The following RELN variants were observed in gnomAD, a reference collection of about 807,000 sequenced individuals.
RELN encodes the protein reelin.
Under a neutral mutation model 427.6 loss-of-function variants are expected in RELN, and 108 were observed. That is an observed-to-expected ratio of 0.25 (90% CI 0.22 to 0.30). RELN has a LOEUF of 0.30. RELN is among the 10% of genes least tolerant of loss of function. The probability of loss-of-function intolerance (pLI) is 1.00; values close to 1 mark genes in which losing one functional copy is unlikely to be tolerated. For synonymous variants in RELN, 1,524 were observed against 1,513.4 expected, an observed-to-expected ratio of 1.01 and a Z score of -0.16; for missense variants, 3,715 against 4,302.8, an observed-to-expected ratio of 0.86 and a Z score of 3.82.
chr7:103,485,804 T>C (rs1456711468), intron 61 of RELN, among the ~76,000 whole-genome samples: 2 of 152,230 alleles, frequency 1.3e-5, no homozygotes, highest in Non-Finnish European at 2.9e-5. Context: ...TTACATAAGC[T>C]AAATATAGGC....
chr7:103,857,145 T>C (rs1045952836), intron 2 of RELN, among the ~76,000 whole-genome samples: 10 of 152,168 alleles, frequency 6.6e-5, no homozygotes, highest in African/African-American at 2.4e-4. Context: ...TCTGCTCATA[T>C]GCCAAGCAGA....
chr7:103,608,900 T>C (rs1831880126), intron 22 of RELN, among the ~76,000 whole-genome samples: 1 of 152,094 alleles, frequency 6.6e-6, no homozygotes, highest in Non-Finnish European at 1.5e-5. Flanking sequence ...TAGTTCATAA[T>C]GTTTCTAGGG....
chr7:103,680,018 T>C (rs1169798056), intron 11 of RELN, among the ~76,000 whole-genome samples: 1 of 152,152 alleles, frequency 6.6e-6, no homozygotes, highest in East Asian at 1.9e-4. Context: ...ATAGACAGGC[T>C]TTGCTAATAG....
intron 5 of RELN, among the ~76,000 whole-genome samples, chr7:103,749,830 T>C (rs556946598): frequency 3.0e-4 from 46 of 152,302 alleles, no homozygotes; most frequent in African/African-American, 1.1e-3. Context: ...CTTCAGTATG[T>C]CTTGGCTGTG....
In RELN at chr7:103,733,540, C is replaced by T. The variant is rs1029428703; in HGVS notation, c.657-5333G>A. On this transcript the variant is annotated intron_variant, in intron 6 of 64. Transcript: ENST00000428762. ...CAATAGCAAAGACTTGGAACCAACA[C>T]AAATGTCCAACAATGACAGACTGGA... Among the ~76,000 whole-genome samples the T allele has an allele frequency of 4.7e-4, 69 of 147,506 alleles. 2 individuals carry two copies. The highest frequency in any genetic ancestry group is 1.7e-3 in the African/African-American group (69 of 39,556).
intron 20 of RELN, among the ~76,000 whole-genome samples, chr7:103,616,183 T>C (rs995170442): frequency 6.6e-6 from 1 of 152,120 alleles, no homozygotes; most frequent in East Asian, 1.9e-4. Context: ...CTAAGCAACA[T>C]TCTATTATTT....
chr7:103,568,263 CTAAT>C (rs1474525967), intron 31 of RELN, among the ~76,000 whole-genome samples: 1 of 152,096 alleles, frequency 6.6e-6, no homozygotes, highest in East Asian at 1.9e-4. Flanking sequence ...CTGCTTACGG[CTAAT>C]TAATTGCCAT....
At chr7:103,782,287 A>C (rs528604796) in intron 3 of RELN, among the ~76,000 whole-genome samples, 1 of 152,296 alleles carries the variant, frequency 6.6e-6, no homozygotes, top group Admixed American at 6.5e-5. Context: ...AAAGCATTTA[A>C]GAATTAAGCG....
intron 46 of RELN, among the ~76,000 whole-genome samples, chr7:103,523,854 T>C (rs1472844386): frequency 6.6e-6 from 1 of 152,076 alleles, no homozygotes; most frequent in East Asian, 1.9e-4. Flanking sequence ...ATTTTTGTAT[T>C]TTAGGGGAGA....
In RELN at chr7:103,773,374, C is replaced by CCTCTCTCTCTCT. The variant is rs1791647935; in HGVS notation, c.544+3182_544+3183insAGAGAGAGAGAG. On this transcript the variant is annotated intron_variant, in intron 4 of 64. Transcript: ENST00000428762. The stretch of plus-strand genomic sequence containing the variant: ...CTCTCTCCCTCTCTCTCTCTCCCTC[C>CCTCTCTCTCTCT]CTCCCTCCCTCCCTCGCTCCCTCCC... Among the ~76,000 whole-genome samples, 8 of 13,768 alleles carry CCTCTCTCTCTCT rather than the reference C, an allele frequency of 5.8e-4. 4 individuals are homozygous for CCTCTCTCTCTCT. The highest frequency in any genetic ancestry group is 3.9e-3 in the African/African-American group (6 of 1,532). 9.0% of individuals were successfully genotyped at this position (13,768 alleles called of 152,430 possible).
intron 11 of RELN, among the ~76,000 whole-genome samples, chr7:103,680,271 G>A (rs1480771357): frequency 4.6e-5 from 7 of 152,066 alleles, no homozygotes. Flanking sequence ...TACTCCTGGA[G>A]AGGAAATGCA....
chr7:103,969,009 G>A (rs1287999780), intron 1 of RELN, among the ~76,000 whole-genome samples: 1 of 152,086 alleles, frequency 6.6e-6, no homozygotes, highest in African/African-American at 2.4e-5. Flanking sequence ...ATGTAAAATA[G>A]GAATAATACT....
intron 64 of RELN, among the ~76,000 whole-genome samples, chr7:103,474,937 A>G (rs967431534): frequency 2.0e-5 from 3 of 152,202 alleles, no homozygotes; most frequent in Admixed American, 2.0e-4. Context: ...CACCAGATTC[A>G]GTAAACTTTT....
chr7:103,602,527 T>C (rs1221725446), intron 24 of RELN, among the ~76,000 whole-genome samples: 2 of 152,198 alleles, frequency 1.3e-5, no homozygotes, highest in Non-Finnish European at 2.9e-5. Context: ...TCATGTCCTT[T>C]GCAGGGACAT....
In RELN at chr7:103,650,325, G is replaced by A. The variant is rs749565108; in HGVS notation, c.1951C>T (p.Arg651Cys). ...AGGATTGGTCCTGTTTGTCTCCAGC[G>A]AATCCTGGTGTTCCGGGTTAGTGCT... The part of the protein sequence containing the change: ...NAALTRNTRI[R>C]WRQTGPILGN... Residue 651 changes from arginine to cysteine, a missense_variant, in exon 16 of 65, where the codon CGC becomes TGC. Arg to Cys is a radical substitution (Grantham distance 180, BLOSUM62 -3). Transcript: ENST00000428762. 30 of 1,613,000 alleles carry A rather than the reference G, an allele frequency of 1.9e-5. No homozygotes were observed. Among genetic ancestry groups the A allele is most frequent in the Non-Finnish European group, 2.4e-5 (28 of 1,179,316 alleles).
At position 103,553,802 on chromosome 7, in the gene RELN, C is replaced by T. The variant is rs756833440; in HGVS notation, c.5827G>A (p.Asp1943Asn). The T allele has an allele frequency of 4.3e-6, 7 of 1,613,922 alleles. No homozygotes were observed. Among genetic ancestry groups the T allele is most frequent in the Non-Finnish European group, 5.9e-6 (7 of 1,179,972 alleles). ...ACATTATTTCCATCGATAATGAAGT[C>T]ATCAACAATCCAGATTTCTTCTTTC... Reference protein sequence around the residue: ...GKKEEIWIVDDFIIDGNNVNN... With the variant: ...GKKEEIWIVDNFIIDGNNVNN... The change falls in exon 39 of 65, where the codon GAC (aspartate) becomes AAC (asparagine). Residue 1943 changes from aspartate to asparagine, a missense_variant. By Grantham distance (23) the Asp-to-Asn change is conservative. Around this residue, in one of 4 missense-constraint regions of RELN, gnomAD observed 1,310 missense variants for 1,643.0 expected, o/e 0.80. Coordinates refer to ENST00000428762, the MANE Select transcript of RELN (RefSeq NM_005045.4).
intron 3 of RELN, among the ~76,000 whole-genome samples, chr7:103,792,719 T>C (rs3847070): frequency 0.2 from 29,775 of 152,006 alleles, 3,099 homozygotes; most frequent in East Asian, 0.31. Context: ...AACTTTTTAG[T>C]ATATCTGTGG....
intron 16 of RELN, among the ~76,000 whole-genome samples, chr7:103,649,845 G>C (rs190971694): frequency 9.2e-5 from 14 of 152,018 alleles, no homozygotes; most frequent in African/African-American, 2.7e-4. Flanking sequence ...GTTTCCTTCT[G>C]TGTGTTGTCT....
intron 20 of RELN, among the ~76,000 whole-genome samples, chr7:103,617,946 T>C (rs1832122332): frequency 6.6e-6 from 1 of 152,092 alleles, no homozygotes; most frequent in African/African-American, 2.4e-5. Flanking sequence ...CACCATGTCA[T>C]CTCTGTACCC....
Sources: allele counts gnomAD v4.1 joint callset (sites outside exome capture counted in the v4.1 genomes callset), GRCh38; gene constraint gnomAD v4.1.1; regional missense constraint gnomAD v4.1.1; transcripts MANE v1.5; gene names NCBI Gene and HGNC (gene_info 2026-07-23, HGNC 2026-07-21).